DPP6: variants seen among roughly 807,000 people sequenced by gnomAD.
DPP6 encodes the protein dipeptidyl peptidase like 6, also known as A-type potassium channel modulatory protein DPP6.
In DPP6, 69 loss-of-function variants were observed where a neutral mutation model predicts 122.6. The observed-to-expected ratio is 0.56, with a 90% CI of 0.46 to 0.69. The LOEUF is 0.69. DPP6 is among the 30% of genes least tolerant of loss of function. The probability of loss-of-function intolerance (pLI) is 0.00; values close to 1 mark genes in which losing one functional copy is unlikely to be tolerated. For synonymous variants in DPP6, 418 were observed against 433.1 expected (o/e 0.97, Z 0.43); for missense variants, 928 against 1,116.9 (o/e 0.83, Z 2.41).
At chr7:153,843,064 G>C in the DPP6 span, among the ~76,000 whole-genome samples, 2 of 148,594 alleles carry the variant, frequency 1.3e-5, no homozygotes, top group African/African-American at 2.6e-5. Context: ...GCATACACGA[G>C]TGCATACACA....
At chr7:154,212,721 C>T (rs1027765828) in intron 1 of DPP6, among the ~76,000 whole-genome samples, 1 of 152,142 alleles carries the variant, frequency 6.6e-6, no homozygotes, top group Non-Finnish European at 1.5e-5. Flanking sequence ...TATGTAATCT[C>T]ATCTAGGATA....
intron 1 of DPP6, among the ~76,000 whole-genome samples, chr7:154,201,923 C>T (rs1425525425): frequency 6.6e-6 from 1 of 152,158 alleles, no homozygotes; most frequent in Non-Finnish European, 1.5e-5. Flanking sequence ...TAAATCATTG[C>T]AATAATTCTT....
intron 1 of DPP6, among the ~76,000 whole-genome samples, chr7:154,334,765 ACGCACCT>A (rs1809254178): frequency 6.6e-6 from 1 of 152,164 alleles, no homozygotes; most frequent in Non-Finnish European, 1.5e-5. Flanking sequence ...GCATGGTGGC[ACGCACCT>A]GTAGTCCCAG....
intron 7 of DPP6, among the ~76,000 whole-genome samples, chr7:154,711,364 C>G (rs1262281096): frequency 2.0e-5 from 3 of 151,992 alleles, no homozygotes; most frequent in Admixed American, 2.0e-4. Flanking sequence ...AGAGCAAGAC[C>G]CCCATCTTAA....
intron 1 of DPP6, among the ~76,000 whole-genome samples, chr7:153,935,533 G>A (rs982683483): frequency 1.3e-5 from 2 of 152,144 alleles, no homozygotes; most frequent in Non-Finnish European, 2.9e-5. Flanking sequence ...GGCCCCTCTC[G>A]ATTATGATCC....
rs534978770 is a variant in DPP6 at position 154,198,515 on chromosome 7, T to C, written c.243+145452T>C. Among the ~76,000 whole-genome samples the C allele has an allele frequency of 1.7e-3, 260 of 152,190 alleles. 1 individual carries two copies. The highest frequency in any genetic ancestry group is 5.6e-3 in the African/African-American group (234 of 41,520). The stretch of plus-strand genomic sequence containing the variant: ...TCTTAGTAGAGATGGAGTTTCACCA[T>C]GTTGGCCAGGCTGGTCTTGAACTCC... On this transcript the variant is annotated intron_variant, in intron 1 of 25. Coordinates refer to ENST00000377770, the MANE Select transcript of DPP6 (RefSeq NM_130797.4).
At chr7:153,976,761 A>G (rs568000805) in intron 1 of DPP6, among the ~76,000 whole-genome samples, 1 of 152,342 alleles carries the variant, frequency 6.6e-6, no homozygotes, top group South Asian at 2.1e-4. Context: ...AGTGTAATTC[A>G]TCAAGAGGAT....
At chr7:154,742,994 G>T (rs539434467) in intron 8 of DPP6, among the ~76,000 whole-genome samples, 1 of 152,164 alleles carries the variant, frequency 6.6e-6, no homozygotes, top group Admixed American at 6.5e-5. Flanking sequence ...GGAGCATAAC[G>T]TACCATCCTT....
the DPP6 span, among the ~76,000 whole-genome samples, chr7:153,818,120 CAA>C: frequency 5.3e-5 from 8 of 151,228 alleles, no homozygotes; most frequent in Admixed American, 2.0e-4. Context: ...TCCAGCAATT[CAA>C]AGAGAGAAAG....
At chr7:153,763,067 G>A in the DPP6 span, among the ~76,000 whole-genome samples, 186 of 152,298 alleles carry the variant, frequency 1.2e-3, 1 homozygote, top group East Asian at 0.02. Flanking sequence ...AGAGAAGGCG[G>A]AGAGCAGCAG....
chr7:154,323,118 A>C (rs989706288), intron 1 of DPP6, among the ~76,000 whole-genome samples: 1 of 152,178 alleles, frequency 6.6e-6, no homozygotes, highest in African/African-American at 2.4e-5. Context: ...ATGAAATACC[A>C]TTCCATGCAC....
the DPP6 span, among the ~76,000 whole-genome samples, chr7:153,822,489 T>C: frequency 6.6e-6 from 1 of 152,008 alleles, no homozygotes; most frequent in East Asian, 1.9e-4. Context: ...CTGTGCCCGG[T>C]TAATCATTTT....
chr7:154,126,753 A>T (rs1053046370), intron 1 of DPP6, among the ~76,000 whole-genome samples: 2 of 152,032 alleles, frequency 1.3e-5, no homozygotes, highest in Non-Finnish European at 2.9e-5. Flanking sequence ...ACCTGTCTAA[A>T]CAGTTTGCAG....
chr7:154,547,915 T>C (rs374007974), intron 4 of DPP6, among the ~76,000 whole-genome samples: 1 of 152,238 alleles, frequency 6.6e-6, no homozygotes, highest in East Asian at 1.9e-4. Context: ...TTTTACTTTT[T>C]AAAGTGGATG....
At chr7:154,305,594 G>T (rs1284162628) in intron 1 of DPP6, 1 of 1,561,266 alleles carries the variant, frequency 6.4e-7, no homozygotes. Flanking sequence ...GTGTGCGTGC[G>T]TGTGCATGCG....
intron 1 of DPP6, among the ~76,000 whole-genome samples, chr7:153,931,003 A>G (rs1243449289): frequency 6.6e-6 from 1 of 152,188 alleles, no homozygotes; most frequent in East Asian, 1.9e-4. Context: ...AGGAATTCCA[A>G]AAATATTTTG....
intron 2 of DPP6, among the ~76,000 whole-genome samples, chr7:154,460,536 G>A (rs954716894): frequency 5.3e-5 from 8 of 152,070 alleles, no homozygotes; most frequent in African/African-American, 1.9e-4. Context: ...ATATGGGAAA[G>A]AAGCATGCTT....
In DPP6 at chr7:154,610,294, C is replaced by T. The variant is rs542761937; in HGVS notation, c.628-27527C>T. ...TATGGTTCCAAATGGCTTCACTTGA[C>T]AGCCTTGAAATTGAGTCTTGAAAAG... On this transcript the variant is annotated intron_variant, in intron 5 of 25. Transcript: ENST00000377770. 2.0e-5 allele frequency among the ~76,000 whole-genome samples: 3 copies of T among 152,256 alleles called. No homozygotes were observed. In the South Asian group the frequency reaches 6.2e-4, roughly 32 times the overall value.
At chr7:154,284,176 T>C (rs4327776) in intron 1 of DPP6, among the ~76,000 whole-genome samples, 65,863 of 151,940 alleles carry the variant, frequency 0.43, 15,208 homozygotes, top group African/African-American at 0.61. Context: ...AGCTCTTGGT[T>C]GAGGGGACTG....
Sources: gnomAD v4.1 joint callset for allele counts (sites outside exome capture counted in the v4.1 genomes callset) on GRCh38, gnomAD v4.1.1 for gene constraint, MANE v1.5 for transcripts, NCBI Gene and HGNC (gene_info 2026-07-23, HGNC 2026-07-21) for gene names.